TUBGCP3: variants seen among roughly 807,000 people sequenced by gnomAD.
The protein encoded by TUBGCP3 is tubulin gamma complex component 3.
TUBGCP3 carries 50 observed loss-of-function variants against 123.1 expected under a neutral mutation model. That is an observed-to-expected ratio of 0.41 (90% confidence interval 0.32 to 0.51). The LOEUF (loss-of-function observed/expected upper bound fraction) is 0.51, where lower values mean the gene tolerates loss of function less well. Among genes scored for constraint, TUBGCP3 ranks in the 20% least tolerant of loss-of-function variants. The pLI is 0.36. For synonymous variants in TUBGCP3, 405 were observed against 413.9 expected, an observed-to-expected ratio of 0.98 and a Z score of 0.26; for missense variants, 882 against 1,127.0, an observed-to-expected ratio of 0.78 and a Z score of 3.11.
chr13:112,526,388 CCATCATCACCATCAACAT>C (rs1877096873), intron 13 of TUBGCP3, among the ~76,000 whole-genome samples: 1 of 149,678 alleles, frequency 6.7e-6, no homozygotes. Context: ...ATCATTACCA[CCATCATCACCATCAACAT>C]CATCACCACC....
In TUBGCP3 at chr13:112,502,038, C is replaced by T. The variant is rs752283098; in HGVS notation, c.2307+1994G>A. Among the ~76,000 whole-genome samples, 10 of 152,134 alleles carry T rather than the reference C, an allele frequency of 6.6e-5. No homozygotes were observed. The East Asian group carries it at 1.9e-3, about 29-fold the overall frequency. On this transcript the variant is annotated intron_variant, in intron 19 of 21. Coordinates refer to ENST00000261965, the MANE Select transcript of TUBGCP3 (RefSeq NM_006322.6). ...GGACTGATATCAGTATGGGTATAGT[C>T]CTCAGTAGTTCAAACATTTTCTGAA...
rs368921588 is a variant in TUBGCP3, at chr13:112,489,633, T to G, written c.2513A>C (p.Glu838Ala). ...CTGTGAGCACATTTTTGGTATAGAT[T>G]CTTTAAATTCTCCAATCCTCTTATT... Reference protein sequence around the residue: ...EENKRIGEFKESIPKMCSQLR... With the variant: ...EENKRIGEFKASIPKMCSQLR... The change falls in exon 21 of 22, where the codon GAA (glutamate) becomes GCA (alanine). Residue 838 changes from glutamate (E) to alanine (A), a missense_variant. Physicochemically the swap from Glu to Ala is moderately radical, Grantham distance 107. This residue lies in a region of TUBGCP3 where 160 missense variants were observed against 220.3 expected (regional missense o/e 0.73). Coordinates refer to ENST00000261965, the MANE Select transcript of TUBGCP3 (RefSeq NM_006322.6). 1.5e-5 allele frequency: 25 copies of G among 1,614,246 alleles called. No homozygotes were observed. The highest frequency in any genetic ancestry group is 2.0e-5 in the Non-Finnish European group (24 of 1,180,050).
intron 3 of TUBGCP3, among the ~76,000 whole-genome samples, chr13:112,561,418 C>G (rs543231616): frequency 6.6e-6 from 1 of 152,198 alleles, no homozygotes; most frequent in African/African-American, 2.4e-5. Context: ...AATGAGAGAA[C>G]AAAGGACAGC....
upstream of TUBGCP3, among the ~76,000 whole-genome samples, chr13:112,589,260 C>T (rs1321713996): frequency 3.3e-5 from 5 of 152,222 alleles, no homozygotes; most frequent in Non-Finnish European, 5.9e-5. Context: ...TCATCTAAAT[C>T]CTGCCACCCT....
intron 19 of TUBGCP3, among the ~76,000 whole-genome samples, chr13:112,502,918 A>G (rs1881029373): frequency 6.6e-6 from 1 of 152,184 alleles, no homozygotes; most frequent in African/African-American, 2.4e-5. Context: ...CCACATATTT[A>G]TAAAAACATG....
chr13:112,531,552 G>C (rs1212029073), intron 11 of TUBGCP3, among the ~76,000 whole-genome samples: 2 of 152,204 alleles, frequency 1.3e-5, no homozygotes, highest in Non-Finnish European at 1.5e-5. Context: ...CAGTTAGACA[G>C]AAGAGCTCGT....
At chr13:112,528,327 G>GC (rs1334250474) in intron 11 of TUBGCP3, among the ~76,000 whole-genome samples, 7 of 152,160 alleles carry the variant, frequency 4.6e-5, no homozygotes, top group African/African-American at 1.4e-4. Context: ...TATAGACAAT[G>GC]CCAGGTTTCC....
chr13:112,496,911 A>T (rs996716380), intron 20 of TUBGCP3, among the ~76,000 whole-genome samples: 13 of 151,380 alleles, frequency 8.6e-5, no homozygotes, highest in Non-Finnish European at 1.6e-4. Flanking sequence ...GCGTGAACCC[A>T]GGAGGCGGAG....
intron 19 of TUBGCP3, among the ~76,000 whole-genome samples, chr13:112,499,529 T>C (rs990788480): frequency 6.6e-6 from 1 of 151,812 alleles, no homozygotes; most frequent in Non-Finnish European, 1.5e-5. Flanking sequence ...CAAAGCTAGA[T>C]AGCAGGTAGT....
At chr13:112,579,583 TCCCACAC>T (rs1882135830) in intron 1 of TUBGCP3, among the ~76,000 whole-genome samples, 1 of 148,288 alleles carries the variant, frequency 6.7e-6, no homozygotes, top group African/African-American at 2.5e-5. Context: ...CCTGGAGCTC[TCCCACAC>T]TGCTGTGTGC....
Position 112,588,033 on chromosome 13 carries a change from ACGCGCAGGGACCGCGGCC to A in TUBGCP3, c.-71_-54del. On this transcript the variant is annotated 5_prime_UTR_variant, in exon 1 of 22. Coordinates refer to ENST00000261965, the MANE Select transcript of TUBGCP3 (RefSeq NM_006322.6). The stretch of plus-strand genomic sequence containing the variant: ...CGGGCAGAGCCGCCACTGCCGCCGC[ACGCGCAGGGACCGCGGCC>A]CGCGCCCTTCCTGCGCCCCGCAAGC... The A allele has an allele frequency of 7.4e-7, 1 of 1,356,606 alleles. No homozygotes were observed. Among genetic ancestry groups the A allele is most frequent in the African/African-American group, 1.5e-5 (1 of 66,484 alleles). 84.0% of individuals were successfully genotyped at this position (1,356,606 alleles called of 1,614,324 possible).
intron 21 of TUBGCP3, among the ~76,000 whole-genome samples, chr13:112,487,259 G>C (rs966813940): frequency 1.3e-5 from 2 of 152,194 alleles, no homozygotes; most frequent in East Asian, 3.9e-4. Context: ...TTCTTCCACA[G>C]GTTGAGACTG....
intron 2 of TUBGCP3, among the ~76,000 whole-genome samples, chr13:112,568,747 C>A (rs1479893743): frequency 1.3e-5 from 2 of 152,202 alleles, no homozygotes; most frequent in Non-Finnish European, 2.9e-5. Flanking sequence ...GAAGAGCTGG[C>A]CACCTGGAAA....
intron 20 of TUBGCP3, among the ~76,000 whole-genome samples, chr13:112,491,529 AC>A (rs1334303527): frequency 6.6e-6 from 1 of 152,076 alleles, no homozygotes; most frequent in Non-Finnish European, 1.5e-5. Context: ...CTGAACTACA[AC>A]CTGCTTTCCT....
In TUBGCP3 at chr13:112,569,174, T is replaced by C. The variant is rs372434213; in HGVS notation, c.162A>G (p.Val54=). The change falls in exon 2 of 22, where the codon GTA becomes GTG. Residue 54 remains valine, a synonymous_variant. Transcript: ENST00000261965. The part of the protein sequence containing the change: ...APTVERDEFL[V]AEKIKKELIR... The stretch of plus-strand genomic sequence containing the variant: ...TACGCTCTTTCTTGATTTTTTCAGC[T>C]ACTAAAAATTCATCTCTTTCAACAG... The C allele has an allele frequency of 1.5e-5, 25 of 1,614,042 alleles. No individual in the cohort carries two copies. The highest frequency in any genetic ancestry group is 4.0e-5 in the African/African-American group (3 of 74,910).
At chr13:112,505,719 T>C (rs1895127327) in intron 17 of TUBGCP3, among the ~76,000 whole-genome samples, 2 of 152,240 alleles carry the variant, frequency 1.3e-5, no homozygotes, top group African/African-American at 4.8e-5. Context: ...TATAAAAATG[T>C]AAATTCTTAA....
At chr13:112,593,073 T>C (rs1389829468), upstream of TUBGCP3, among the ~76,000 whole-genome samples, 1 of 152,168 alleles carries the variant, frequency 6.6e-6, no homozygotes, top group African/African-American at 2.4e-5. Flanking sequence ...ACCAGGAATC[T>C]AGAAAAGGAA....
At chr13:112,564,888 C>T (rs569939374) in intron 3 of TUBGCP3, among the ~76,000 whole-genome samples, 7 of 152,332 alleles carry the variant, frequency 4.6e-5, no homozygotes, top group African/African-American at 1.7e-4. Flanking sequence ...TTGACTTTCC[C>T]TGTGCAGCTT....
intron 11 of TUBGCP3, among the ~76,000 whole-genome samples, chr13:112,528,848 A>G (rs773192309): frequency 4.6e-5 from 7 of 151,822 alleles, no homozygotes; most frequent in Non-Finnish European, 1.0e-4. Flanking sequence ...TTTATTACCT[A>G]GATCTGTTTT....
Sources: gnomAD v4.1 joint callset for allele counts (sites outside exome capture counted in the v4.1 genomes callset) on GRCh38, gnomAD v4.1.1 for gene constraint, gnomAD v4.1.1 regional missense constraint, MANE v1.5 for transcripts, NCBI Gene and HGNC (gene_info 2026-07-23, HGNC 2026-07-21) for gene names.